SEM1: variants seen among roughly 807,000 people sequenced by gnomAD.
The protein encoded by SEM1 is 26S proteasome complex subunit SEM1.
SEM1 carries 3 observed loss-of-function variants against 12.7 expected under a neutral mutation model. The ratio of observed to expected loss-of-function variants is 0.24; its 90% confidence interval spans 0.11 to 0.61. SEM1 has a LOEUF of 0.61. SEM1 is among the 20% of genes least tolerant of loss of function. The pLI is 0.88. For synonymous variants in SEM1, 30 were observed against 27.8 expected (o/e 1.08, Z -0.25); for missense variants, 59 against 81.3 (o/e 0.73, Z 1.06).
chr7:96,493,603 C>A (rs1260749428), intron 1 of SEM1, among the ~76,000 whole-genome samples: 4 of 152,162 alleles, frequency 2.6e-5, no homozygotes, highest in African/African-American at 9.7e-5. Context: ...CTGTTTCCTA[C>A]CAAACCTCCA....
chr7:96,615,266 G>T (rs1158401885), intron 2 of SEM1, among the ~76,000 whole-genome samples: 6 of 18,960 alleles, frequency 3.2e-4, no homozygotes, highest in East Asian at 3.4e-3. Context: ...TTTTTTTTTT[G>T]GAGACAGAGT....
intron 2 of SEM1, chr7:96,649,750 G>T (rs1008653431): frequency 6.6e-6 from 1 of 152,170 alleles, no homozygotes; most frequent in African/African-American, 2.4e-5. Flanking sequence ...ACCAAGCCCT[G>T]CTCCCATGTT....
At chr7:96,617,044 T>C (rs1343900046) in intron 2 of SEM1, among the ~76,000 whole-genome samples, 4 of 152,110 alleles carry the variant, frequency 2.6e-5, no homozygotes, top group Non-Finnish European at 5.9e-5. Flanking sequence ...TTTTTTGGTT[T>C]CATACGAATT....
At chr7:96,657,515 G>A (rs1335293733) in intron 2 of SEM1, among the ~76,000 whole-genome samples, 1 of 152,106 alleles carries the variant, frequency 6.6e-6, no homozygotes, top group African/African-American at 2.4e-5. Flanking sequence ...TGACTACAAA[G>A]GTATTCTCAG....
At chr7:96,649,229 G>T (rs771078269) in intron 2 of SEM1, 2 of 152,164 alleles carry the variant, frequency 1.3e-5, no homozygotes, top group Non-Finnish European at 2.9e-5. Flanking sequence ...AAACCAATAT[G>T]TACAGATGGT....
Position 96,510,135 on chromosome 7 carries a change from C to T in SEM1, c.171-3437G>A, listed in dbSNP as rs565479743. Among the ~76,000 whole-genome samples the T allele has an allele frequency of 1.1e-4, 17 of 152,186 alleles. No individual in the cohort carries two copies. In the South Asian group the frequency reaches 3.3e-3, roughly 30 times the overall value. ...TTTAAATTCAAATCTATTGTATACGCCCTTGGGTTTCCACAGGAAATCTGA... is the reference window on the plus strand; with the variant it reads ...TTTAAATTCAAATCTATTGTATACGTCCTTGGGTTTCCACAGGAAATCTGA... On this transcript the variant is annotated intron_variant and NMD_transcript_variant, in intron 2 of 3. Transcript: ENST00000466986.
intron 2 of SEM1, among the ~76,000 whole-genome samples, chr7:96,674,181 C>T (rs1413818798): frequency 6.6e-6 from 1 of 152,142 alleles, no homozygotes; most frequent in African/African-American, 2.4e-5. Context: ...CATTTGTCCA[C>T]TTCTGTCTTC....
chr7:96,638,034 C>T (rs1310568890), intron 2 of SEM1, among the ~76,000 whole-genome samples: 1 of 151,990 alleles, frequency 6.6e-6, no homozygotes, highest in Non-Finnish European at 1.5e-5. Flanking sequence ...GCAGATGATG[C>T]CTGCACTTGA....
At chr7:96,676,184 T>G (rs1789445301) in intron 2 of SEM1, among the ~76,000 whole-genome samples, 1 of 152,220 alleles carries the variant, frequency 6.6e-6, no homozygotes, top group African/African-American at 2.4e-5. Flanking sequence ...GCAGTGGCCC[T>G]GCCCTTGACC....
At chr7:96,592,523 G>A (rs959299852) in intron 2 of SEM1, among the ~76,000 whole-genome samples, 1 of 151,678 alleles carries the variant, frequency 6.6e-6, no homozygotes, top group Non-Finnish European at 1.5e-5. Context: ...ATTTATACAG[G>A]TTCTTCCTGG....
At chr7:96,507,175 C>A (rs1291551394) in intron 2 of SEM1, among the ~76,000 whole-genome samples, 1 of 152,062 alleles carries the variant, frequency 6.6e-6, no homozygotes, top group Admixed American at 6.6e-5. Context: ...TAATATTAAG[C>A]TTTCAGCCAC....
chr7:96,544,287 CAG>C (rs1305008245), intron 2 of SEM1, among the ~76,000 whole-genome samples: 4 of 151,968 alleles, frequency 2.6e-5, no homozygotes, highest in Admixed American at 1.3e-4. Context: ...TCTCTAATAA[CAG>C]AGAATTATGA....
downstream of SEM1, among the ~76,000 whole-genome samples, chr7:96,684,580 T>C (rs1019616517): frequency 6.6e-6 from 1 of 152,060 alleles, no homozygotes; most frequent in Non-Finnish European, 1.5e-5. Flanking sequence ...GCAGAGTTGA[T>C]AGGGCTCACC....
intron 1 of SEM1, among the ~76,000 whole-genome samples, chr7:96,493,184 C>T (rs913610159): frequency 6.6e-6 from 1 of 152,068 alleles, no homozygotes; most frequent in Non-Finnish European, 1.5e-5. Context: ...CCACTGGTCT[C>T]GAACTCCTGA....
intron 2 of SEM1, chr7:96,623,174 T>C (rs1373311183): frequency 6.6e-6 from 1 of 152,356 alleles, no homozygotes. Context: ...GGATCATCAG[T>C]CTTCTCCTGC....
chr7:96,601,704 A>C (rs1188039005), intron 2 of SEM1, among the ~76,000 whole-genome samples: 2 of 152,218 alleles, frequency 1.3e-5, no homozygotes, highest in African/African-American at 4.8e-5. Flanking sequence ...GGTATATAGC[A>C]GATGACCTGA....
chr7:96,501,605 C>G (rs1456459784), intron 3 of SEM1, among the ~76,000 whole-genome samples: 3 of 152,114 alleles, frequency 2.0e-5, no homozygotes, highest in African/African-American at 7.2e-5. Flanking sequence ...ATTGAGCACA[C>G]TGAACTATGT....
chr7:96,686,696 C>T (rs1170786253), downstream of SEM1, among the ~76,000 whole-genome samples: 1 of 152,060 alleles, frequency 6.6e-6, no homozygotes, highest in African/African-American at 2.4e-5. Flanking sequence ...TAGAAGAAAA[C>T]CTAGGCATTA....
chr7:96,625,542 T>C (rs536539017), intron 2 of SEM1, among the ~76,000 whole-genome samples: 120 of 152,338 alleles, frequency 7.9e-4, no homozygotes, highest in African/African-American at 2.7e-3. Context: ...ACTGCATGAA[T>C]TAAAATCATA....
Sources: allele counts gnomAD v4.1 joint callset (sites outside exome capture counted in the v4.1 genomes callset), GRCh38; gene constraint gnomAD v4.1.1; transcripts MANE v1.5; gene names NCBI Gene and HGNC (gene_info 2026-07-23, HGNC 2026-07-21).